The following PRKAR1A variants were observed in gnomAD, a reference collection of about 807,000 sequenced individuals.
PRKAR1A encodes cAMP-dependent protein kinase type I-alpha regulatory subunit.
In PRKAR1A, 3 loss-of-function variants were observed where a neutral mutation model predicts 52.0. The ratio of observed to expected loss-of-function variants is 0.06; its 90% CI spans 0.03 to 0.15. The LOEUF is 0.15. Among genes scored for constraint, PRKAR1A ranks in the 10% least tolerant of loss-of-function variants. PRKAR1A has a pLI of 1.00. For synonymous variants in PRKAR1A, 188 were observed against 168.4 expected, an observed-to-expected ratio of 1.12 and a Z score of -0.90; for missense variants, 240 against 477.4, an observed-to-expected ratio of 0.50 and a Z score of 4.63.
At chr17:68,516,050 A>T (rs2085422533) in intron 2 of PRKAR1A, among the ~76,000 whole-genome samples, 1 of 152,172 alleles carries the variant, frequency 6.6e-6, no homozygotes, top group Admixed American at 6.5e-5. Flanking sequence ...TTTCAATTAG[A>T]TTCGGTCTAT....
chr17:68,450,842 C>A, the PRKAR1A span: 1 of 1,614,050 alleles, frequency 6.2e-7, no homozygotes, highest in Non-Finnish European at 8.5e-7. Flanking sequence ...GACTGACTAC[C>A]ACCACCAGGC....
intron 11 of PRKAR1A, among the ~76,000 whole-genome samples, chr17:68,550,545 T>C (rs77662628): frequency 6.6e-6 from 1 of 152,026 alleles, no homozygotes. Flanking sequence ...CATACCTGGA[T>C]AATTTTTGTA....
chr17:68,440,955 G>T, the PRKAR1A span: 1 of 152,182 alleles, frequency 6.6e-6, no homozygotes, highest in African/African-American at 2.4e-5. Flanking sequence ...CTACAAAAGG[G>T]AAGCATTTAT....
At chr17:68,494,875 G>C in the PRKAR1A span, among the ~76,000 whole-genome samples, 1 of 152,246 alleles carries the variant, frequency 6.6e-6, no homozygotes, top group East Asian at 1.9e-4. Context: ...CAAATGTCCT[G>C]CTCCACAAAT....
the PRKAR1A span, among the ~76,000 whole-genome samples, chr17:68,415,283 GAT>G: frequency 6.6e-6 from 1 of 152,158 alleles, no homozygotes; most frequent in Non-Finnish European, 1.5e-5. Flanking sequence ...TTGACTCAAT[GAT>G]CATTTAGGAG....
chr17:68,517,495 C>T (rs1315568625), intron 2 of PRKAR1A, among the ~76,000 whole-genome samples: 1 of 152,178 alleles, frequency 6.6e-6, no homozygotes, highest in Non-Finnish European at 1.5e-5. Context: ...CACATGGCAG[C>T]AGCAAGGAGA....
the PRKAR1A span, among the ~76,000 whole-genome samples, chr17:68,460,497 A>T: frequency 6.6e-6 from 1 of 152,142 alleles, no homozygotes; most frequent in African/African-American, 2.4e-5. Flanking sequence ...ACGGGAGAAA[A>T]ATGGTCACCT....
At chr17:68,536,226 C>T, downstream of PRKAR1A, 2 of 454,126 alleles carry the variant, frequency 4.4e-6, no homozygotes, top group South Asian at 1.6e-5. Context: ...TCTTTAGTGA[C>T]AGCTCCATTC....
chr17:68,521,662 A>G (rs1048689608), intron 2 of PRKAR1A, among the ~76,000 whole-genome samples: 1 of 152,256 alleles, frequency 6.6e-6, no homozygotes, highest in Non-Finnish European at 1.5e-5. Context: ...ACCATATTTT[A>G]AAAAGTAGGT....
rs775899911 is a variant in PRKAR1A, at chr17:68,542,666, C to T, written c.974-8418C>T. On this transcript the variant is annotated intron_variant, in intron 11 of 11. Transcript: ENST00000585981. ...CTCTGGCTTACGATCTACTCAGACC[C>T]GGAATATCACTCGGGCCAGTACTCT... 55 of 1,565,428 alleles carry T rather than the reference C, an allele frequency of 3.5e-5. No individual in the cohort carries two copies. In the Middle Eastern group the frequency reaches 1.0e-3, roughly 29 times the overall value.
chr17:68,436,335 A>C, the PRKAR1A span: 1 of 1,564,424 alleles, frequency 6.4e-7, no homozygotes, highest in African/African-American at 1.4e-5. Flanking sequence ...CCATGACCAC[A>C]CAGCCAAGGC....
the PRKAR1A span, among the ~76,000 whole-genome samples, chr17:68,433,760 G>GTTTTTTTTTTT: frequency 2.9e-4 from 21 of 72,820 alleles, 2 homozygotes; most frequent in African/African-American, 9.2e-4. Flanking sequence ...AAGGGTCATA[G>GTTTTTTTTTTT]TTTTTTTTTT....
the PRKAR1A span, among the ~76,000 whole-genome samples, chr17:68,444,915 CTTTTTTTTTTTTT>C: frequency 2.2e-5 from 2 of 89,092 alleles, no homozygotes; most frequent in South Asian, 8.9e-4. Context: ...ATCCTGAACA[CTTTTTTTTTTTTT>C]TTTTTTTTTT....
At chr17:68,426,242 T>TGC in the PRKAR1A span, 7 of 682,844 alleles carry the variant, frequency 1.0e-5, no homozygotes, top group Non-Finnish European at 1.1e-5. Context: ...ACCTGGCGGG[T>TGC]GGGGAGCGGG....
the PRKAR1A span, among the ~76,000 whole-genome samples, chr17:68,442,329 G>T: frequency 6.6e-6 from 1 of 152,064 alleles, no homozygotes; most frequent in African/African-American, 2.4e-5. Flanking sequence ...GCTGGGTGTG[G>T]TGGTAGGCAC....
At chr17:68,499,039 G>A in the PRKAR1A span, among the ~76,000 whole-genome samples, 221 of 152,220 alleles carry the variant, frequency 1.5e-3, 1 homozygote, top group Middle Eastern at 6.8e-3. Flanking sequence ...ACAATAGTAC[G>A]TACCTCAAAA....
At chr17:68,465,648 T>C in the PRKAR1A span, among the ~76,000 whole-genome samples, 7 of 143,262 alleles carry the variant, frequency 4.9e-5, no homozygotes, top group African/African-American at 1.9e-4. Context: ...TTTTTTTTTT[T>C]TGTAGAGACG....
intron 11 of PRKAR1A, chr17:68,543,834 G>T: frequency 1.1e-6 from 1 of 907,788 alleles, no homozygotes; most frequent in Non-Finnish European, 1.8e-6. Context: ...TGCTTTTCAT[G>T]TACACACAGG....
chr17:68,500,599 C>T, the PRKAR1A span, among the ~76,000 whole-genome samples: 1 of 151,448 alleles, frequency 6.6e-6, no homozygotes, highest in East Asian at 1.9e-4. Context: ...CTGCAACGTA[C>T]ACCACCTGGG....
Sources: allele counts gnomAD v4.1 joint callset (sites outside exome capture counted in the v4.1 genomes callset), GRCh38; gene constraint gnomAD v4.1.1; transcripts MANE v1.5; gene names NCBI Gene and HGNC (gene_info 2026-07-23, HGNC 2026-07-21).